Variants in LRIF1 observed in about 807,000 individuals in gnomAD.
LRIF1 encodes ligand-dependent nuclear receptor-interacting factor 1.
A neutral mutation model predicts 52.7 loss-of-function variants in LRIF1; 32 were observed. That is an observed-to-expected ratio of 0.61 (90% CI 0.46 to 0.82). The LOEUF (loss-of-function observed/expected upper bound fraction) is 0.82. LRIF1 is among the 40% of genes least tolerant of loss of function. LRIF1 has a pLI of 0.00. For synonymous variants in LRIF1, 323 were observed against 317.4 expected, an observed-to-expected ratio of 1.02 and a Z score of -0.19; for missense variants, 887 against 892.0, an observed-to-expected ratio of 0.99 and a Z score of 0.07.
At chr1:110,927,093 T>A in the LRIF1 span, among the ~76,000 whole-genome samples, 23 of 152,284 alleles carry the variant, frequency 1.5e-4, no homozygotes, top group African/African-American at 5.5e-4. Flanking sequence ...ACTATACACA[T>A]AAAATCAGTA....
At chr1:110,883,764 A>T in the LRIF1 span, among the ~76,000 whole-genome samples, 1 of 151,888 alleles carries the variant, frequency 6.6e-6, no homozygotes, top group African/African-American at 2.4e-5. Context: ...TTTGAGTGAG[A>T]CTTGGTAATT....
At chr1:110,913,309 C>A in the LRIF1 span, among the ~76,000 whole-genome samples, 5 of 152,024 alleles carry the variant, frequency 3.3e-5, no homozygotes, top group East Asian at 1.9e-4. Context: ...GAAACAAAAC[C>A]AAAAATAGAC....
At chr1:110,882,078 C>G in the LRIF1 span, among the ~76,000 whole-genome samples, 1 of 152,128 alleles carries the variant, frequency 6.6e-6, no homozygotes, top group South Asian at 2.1e-4. Context: ...TCTTTTCATT[C>G]TCTTAACAGT....
At position 110,952,476 on chromosome 1, in the gene LRIF1, C is replaced by G; in HGVS notation, c.408G>C (p.Gln136His). Residue 136 changes from glutamine (Q) to histidine (H), a missense_variant, in exon 2 of 4, where the codon CAG (glutamine) becomes CAC (histidine). Gln to His is a conservative substitution (Grantham distance 24). Coordinates refer to ENST00000369763, the MANE Select transcript of LRIF1 (RefSeq NM_018372.4). Reference protein sequence around the residue: ...GNFSSSVSKVQSHGVKIDGLT... With the variant: ...GNFSSSVSKVHSHGVKIDGLT... ...GTCCATCAATTTTCACACCATGACT[C>G]TGAACTTTAGAAACTGATGAAGAAA... The G allele has an allele frequency of 6.2e-7, 1 of 1,613,236 alleles. No homozygotes were observed.
At chr1:110,960,945 A>G (rs1055427306) in intron 1 of LRIF1, among the ~76,000 whole-genome samples, 2 of 152,184 alleles carry the variant, frequency 1.3e-5, no homozygotes, top group Admixed American at 6.5e-5. Flanking sequence ...ACTCTGACCT[A>G]TTTCCAATAG....
At chr1:110,920,531 G>T in the LRIF1 span, among the ~76,000 whole-genome samples, 1 of 152,144 alleles carries the variant, frequency 6.6e-6, no homozygotes, top group African/African-American at 2.4e-5. Flanking sequence ...GGTTAAGTGG[G>T]GAGGGAGAAA....
chr1:110,915,518 T>TAAATAAA, the LRIF1 span, among the ~76,000 whole-genome samples: 5 of 151,778 alleles, frequency 3.3e-5, no homozygotes, highest in African/African-American at 1.2e-4. Flanking sequence ...AATAAATAAA[T>TAAATAAA]TTACTTACTA....
chr1:110,948,379 T>G lies in LRIF1; in HGVS notation c.1890A>C (p.Arg630Ser). 2 of 1,610,404 alleles carry G rather than the reference T, an allele frequency of 1.2e-6. No individual in the cohort carries two copies. Among genetic ancestry groups the G allele is most frequent in the Admixed American group, 1.7e-5 (1 of 59,550 alleles). Residue 630 changes from arginine to serine, a missense_variant, in exon 4 of 4, where the codon AGA becomes AGC. Arg to Ser is a moderately radical substitution (Grantham distance 110, BLOSUM62 -1). Transcript: ENST00000369763. ...CCATCTTCTTATTAGTTTTTGCTTT[T>G]CTTTTCTTATCAAAATTCTGCTGCA... The part of the protein sequence containing the change: ...ERKQQNFDKK[R>S]KAKTNKKMDH...
the LRIF1 span, chr1:110,899,144 A>C: frequency 1.9e-6 from 3 of 1,613,944 alleles, no homozygotes; most frequent in Non-Finnish European, 2.5e-6. Context: ...TGTCCTTTGC[A>C]CTGACCCTGA....
chr1:110,876,375 C>T, the LRIF1 span, among the ~76,000 whole-genome samples: 2 of 152,124 alleles, frequency 1.3e-5, no homozygotes, highest in African/African-American at 4.8e-5. Flanking sequence ...ATTCCTAGTG[C>T]ATTTTAACAT....
At chr1:110,880,105 G>A in the LRIF1 span, 1 of 152,234 alleles carries the variant, frequency 6.6e-6, no homozygotes, top group African/African-American at 2.4e-5. Flanking sequence ...GGTCACGCAG[G>A]TTTCCTGGAA....
chr1:110,915,255 G>A, the LRIF1 span, among the ~76,000 whole-genome samples: 1 of 152,140 alleles, frequency 6.6e-6, no homozygotes, highest in Non-Finnish European at 1.5e-5. Flanking sequence ...GGAGGCCGAG[G>A]CGGGCGGATC....
Position 110,963,694 on chromosome 1 carries a change from TGGGGAGAAA to T in LRIF1, c.-15_-7del, listed in dbSNP as rs1659063584. On this transcript the variant is annotated 5_prime_UTR_variant, in exon 1 of 4. Coordinates refer to ENST00000369763, the MANE Select transcript of LRIF1 (RefSeq NM_018372.4). ...CTCCGTAGGTTATTTGACATTTTAG[TGGGGAGAAA>T]GGGGACACCTCATCCAGAAAAGTGG... 2 of 1,602,790 alleles carry T rather than the reference TGGGGAGAAA, an allele frequency of 1.2e-6. No homozygotes were observed. Among genetic ancestry groups the T allele is most frequent in the Non-Finnish European group, 8.5e-7 (1 of 1,171,714 alleles).
chr1:110,936,348 A>C, the LRIF1 span: 1 of 152,194 alleles, frequency 6.6e-6, no homozygotes, highest in South Asian at 2.1e-4. Context: ...TCCTAAAAAG[A>C]AAGACTGACC....
chr1:110,949,419 G>C (rs1011046079), intron 3 of LRIF1, among the ~76,000 whole-genome samples: 11 of 147,996 alleles, frequency 7.4e-5, no homozygotes, highest in Admixed American at 2.0e-4. Context: ...CACCTGGCCT[G>C]GTTCTTTTTT....
chr1:110,957,301 C>G (rs1050499682), intron 1 of LRIF1, among the ~76,000 whole-genome samples: 1 of 81,888 alleles, frequency 1.2e-5, no homozygotes, highest in Admixed American at 1.4e-4. Context: ...ACTAAAAATA[C>G]AAAAAAAAAA....
the LRIF1 span, among the ~76,000 whole-genome samples, chr1:110,889,158 A>T: frequency 6.6e-6 from 1 of 152,204 alleles, no homozygotes; most frequent in Non-Finnish European, 1.5e-5. Context: ...ATTTATTCAT[A>T]GATGTGTCTT....
the LRIF1 span, among the ~76,000 whole-genome samples, chr1:110,902,334 C>G: frequency 2.6e-5 from 4 of 152,032 alleles, no homozygotes; most frequent in Non-Finnish European, 5.9e-5. Flanking sequence ...CAAAATAATA[C>G]AGCACATAGT....
chr1:110,924,557 C>T, the LRIF1 span, among the ~76,000 whole-genome samples: 61 of 152,210 alleles, frequency 4.0e-4, no homozygotes, highest in African/African-American at 1.4e-3. Flanking sequence ...CTCGTGAGAA[C>T]TCACTGTCGT....
Sources: gnomAD v4.1 joint callset for allele counts (sites outside exome capture counted in the v4.1 genomes callset) on GRCh38, gnomAD v4.1.1 for gene constraint, MANE v1.5 for transcripts, NCBI Gene and HGNC (gene_info 2026-07-23, HGNC 2026-07-21) for gene names.